UBXN7: variants seen among roughly 807,000 people sequenced by gnomAD.
The protein encoded by UBXN7 is UBX domain protein 7, also known as UBX domain-containing protein 7.
A neutral mutation model predicts 58.0 loss-of-function variants in UBXN7; 9 were observed. The ratio of observed to expected loss-of-function variants is 0.16; its 90% CI spans 0.09 to 0.27. The LOEUF is 0.27. Ranked by LOEUF, UBXN7 falls within the 10% of genes least tolerant of loss-of-function variation. The probability of loss-of-function intolerance (pLI) is 1.00; values close to 1 mark genes in which losing one functional copy is unlikely to be tolerated. For synonymous variants in UBXN7, 208 were observed against 205.0 expected, an observed-to-expected ratio of 1.01 and a Z score of -0.12; for missense variants, 328 against 599.6, an observed-to-expected ratio of 0.55 and a Z score of 4.73.
At chr3:196,425,468 A>G (rs1031752018) in intron 1 of UBXN7, among the ~76,000 whole-genome samples, 4 of 151,752 alleles carry the variant, frequency 2.6e-5, no homozygotes, top group Admixed American at 6.6e-5. Flanking sequence ...GGGTCTCACT[A>G]TGTTGCCTAG....
At chr3:196,418,990 G>A (rs1730590824) in intron 1 of UBXN7, among the ~76,000 whole-genome samples, 1 of 152,192 alleles carries the variant, frequency 6.6e-6, no homozygotes, top group Non-Finnish European at 1.5e-5. Flanking sequence ...CTGAGGTCGA[G>A]CGCGGTGGCT....
chr3:196,405,491 AAAAAAAGAAAGAAAG>A (rs1730134264), intron 2 of UBXN7, among the ~76,000 whole-genome samples: 1 of 151,830 alleles, frequency 6.6e-6, no homozygotes, highest in South Asian at 2.1e-4. Context: ...AAGAAAAGAA[AAAAAAAGAAAGAAAG>A]AAAGAAAACT....
chr3:196,412,230 C>CAAAAAAAAA (rs55746914), intron 1 of UBXN7, among the ~76,000 whole-genome samples: 10 of 88,908 alleles, frequency 1.1e-4, no homozygotes, highest in East Asian at 3.0e-4. Flanking sequence ...GACTTTGTCT[C>CAAAAAAAAA]AAAAAAAAAA....
At chr3:196,366,043 C>T (rs1728655336) in intron 8 of UBXN7, among the ~76,000 whole-genome samples, 1 of 151,790 alleles carries the variant, frequency 6.6e-6, no homozygotes, top group Admixed American at 6.6e-5. Flanking sequence ...AGAAAGGAAA[C>T]AACAACAACA....
Position 196,348,396 on chromosome 3 carries a change from C to T in UBXN7, c.*8289G>A, listed in dbSNP as rs1728134006. The T allele has an allele frequency of 6.6e-6, 1 of 152,146 alleles. No individual in the cohort carries two copies. Among genetic ancestry groups the T allele is most frequent in the South Asian group, 2.1e-4 (1 of 4,824 alleles). 9.4% of individuals were successfully genotyped at this position (152,146 alleles called of 1,614,324 possible). Reference sequence around the variant, plus strand: ...AATTCGATGTGCATTTTAGGGAGCACTTGCCAGAAACATTACAACAGGAGC... The same window carrying T: ...AATTCGATGTGCATTTTAGGGAGCATTTGCCAGAAACATTACAACAGGAGC... On this transcript the variant is annotated 3_prime_UTR_variant, in exon 11 of 11. Coordinates refer to ENST00000296328, the MANE Select transcript of UBXN7 (RefSeq NM_015562.2).
chr3:196,362,134 T>C (rs1252930316), intron 9 of UBXN7, among the ~76,000 whole-genome samples, 160 bp downstream of exon 9: 1 of 152,148 alleles, frequency 6.6e-6, no homozygotes, highest in Non-Finnish European at 1.5e-5. Context: ...GCTGGGACTA[T>C]AGGCACGTGC....
intron 8 of UBXN7, 127 bp from the exon 9 acceptor site, chr3:196,362,814 TAAGAGC>T: frequency 8.1e-7 from 1 of 1,228,734 alleles, no homozygotes; most frequent in Non-Finnish European, 1.1e-6. Flanking sequence ...CCTTCTACTT[TAAGAGC>T]AAGGACTGTG....
chr3:196,393,746 T>C (rs544882890), intron 3 of UBXN7, 127 bp from the exon 4 acceptor site: 2 of 813,192 alleles, frequency 2.5e-6, no homozygotes, highest in African/African-American at 1.7e-5. Flanking sequence ...CATGTCACCC[T>C]TGCACAGGGG....
intron 2 of UBXN7, 83 bp downstream of exon 2, chr3:196,407,163 G>C: frequency 1.1e-5 from 17 of 1,526,398 alleles, no homozygotes; most frequent in African/African-American, 1.4e-5. Flanking sequence ...TTCAAAACCA[G>C]AGAATCGACC....
At position 196,404,828 on chromosome 3, in the gene UBXN7, T is replaced by C. The variant is rs537346878; in HGVS notation, c.222-1809A>G. On this transcript the variant is annotated intron_variant, in intron 2 of 10. Coordinates refer to ENST00000296328, the MANE Select transcript of UBXN7 (RefSeq NM_015562.2). Reference sequence around the variant, plus strand: ...TCTGAAGAAACAGACGACACATCTATAAGAGTAAGCTCTGTCAATCCTTTC... The same window carrying C: ...TCTGAAGAAACAGACGACACATCTACAAGAGTAAGCTCTGTCAATCCTTTC... 5.9e-5 allele frequency among the ~76,000 whole-genome samples: 9 copies of C among 152,242 alleles called. No individual in the cohort carries two copies. In the South Asian group the frequency reaches 1.2e-3, roughly 21 times the overall value.
rs1728207943 is a variant in UBXN7 at position 196,351,328 on chromosome 3, G to A, written c.*5357C>T. ...TTACATTTTAGTCATACTCAACACT[G>A]ATTAGGCACACAGCATTAAGTTTTA... On this transcript the variant is annotated 3_prime_UTR_variant, in exon 11 of 11. Transcript: ENST00000296328. 6.6e-6 allele frequency: 1 copy of A among 152,108 alleles called. No homozygotes were observed. Among genetic ancestry groups the A allele is most frequent in the Admixed American group, 6.6e-5 (1 of 15,244 alleles). 9.4% of individuals were successfully genotyped at this position (152,108 alleles called of 1,614,324 possible).
At chr3:196,409,603 T>G (rs892489874) in intron 1 of UBXN7, among the ~76,000 whole-genome samples, 3 of 152,120 alleles carry the variant, frequency 2.0e-5, no homozygotes, top group African/African-American at 7.2e-5. Context: ...TTAAATACAC[T>G]TCTGACTTGG....
intron 1 of UBXN7, among the ~76,000 whole-genome samples, chr3:196,425,674 A>C (rs1730825393): frequency 6.6e-6 from 1 of 152,036 alleles, no homozygotes; most frequent in South Asian, 2.1e-4. Flanking sequence ...AGGTCCATTT[A>C]TTGCACTAGC....
intron 5 of UBXN7, among the ~76,000 whole-genome samples, chr3:196,383,219 T>C (rs1250403688): frequency 2.6e-5 from 4 of 151,934 alleles, no homozygotes; most frequent in African/African-American, 9.7e-5. Flanking sequence ...AAGAAGGCCA[T>C]TACATATTGG....
chr3:196,407,005 C>A (rs541918126), intron 2 of UBXN7, among the ~76,000 whole-genome samples: 2 of 152,344 alleles, frequency 1.3e-5, no homozygotes, highest in East Asian at 3.9e-4. Flanking sequence ...CCACACACTC[C>A]AACCAACCCC....
intron 1 of UBXN7, among the ~76,000 whole-genome samples, chr3:196,420,905 G>GT (rs1320934178): frequency 3.9e-5 from 6 of 152,182 alleles, no homozygotes; most frequent in Non-Finnish European, 8.8e-5. Context: ...AAGTATAGCA[G>GT]TCACAGAGAC....
intron 6 of UBXN7, among the ~76,000 whole-genome samples, chr3:196,369,727 C>T (rs1335130304): frequency 6.6e-6 from 1 of 152,182 alleles, no homozygotes; most frequent in Non-Finnish European, 1.5e-5. Flanking sequence ...CATATTGACC[C>T]ATTCCTCCTC....
At chr3:196,362,913 T>G (rs989917478) in intron 8 of UBXN7, among the ~76,000 whole-genome samples, 2 of 152,020 alleles carry the variant, frequency 1.3e-5, no homozygotes, top group African/African-American at 4.8e-5. Context: ...TTGTTTTGTT[T>G]TGTTTTTGAG....
At chr3:196,357,362 A>G (rs1393903313) in intron 10 of UBXN7, among the ~76,000 whole-genome samples, 1 of 152,206 alleles carries the variant, frequency 6.6e-6, no homozygotes, top group Non-Finnish European at 1.5e-5. Flanking sequence ...AGTCTTCAAG[A>G]ATCAGCCTAA....
Sources: allele counts gnomAD v4.1 joint callset (sites outside exome capture counted in the v4.1 genomes callset), GRCh38; gene constraint gnomAD v4.1.1; transcripts MANE v1.5; gene names NCBI Gene and HGNC (gene_info 2026-07-23, HGNC 2026-07-21).